ABCA13: variants seen among roughly 807,000 people sequenced by gnomAD.
The protein encoded by ABCA13 is ATP binding cassette subfamily A member 13, also known as ATP-binding cassette sub-family A member 13.
Under a neutral mutation model 478.7 loss-of-function variants are expected in ABCA13, and 476 were observed. That is an observed-to-expected ratio of 0.99 (90% CI 0.92 to 1.07). ABCA13 has a LOEUF of 1.07. Among genes scored for constraint, ABCA13 ranks in the 50% least tolerant of loss-of-function variants. ABCA13 has a pLI of 0.00. For synonymous variants in ABCA13, 2,252 were observed against 2,158.9 expected (o/e 1.04, Z -1.20); for missense variants, 6,060 against 5,910.6 (o/e 1.03, Z -0.83).
chr7:48,307,380 A>G (rs576708827), intron 23 of ABCA13, among the ~76,000 whole-genome samples: 71 of 152,340 alleles, frequency 4.7e-4, no homozygotes, highest in African/African-American at 1.7e-3. Context: ...AGAAAACACA[A>G]GAACGTATTT....
intron 23 of ABCA13, among the ~76,000 whole-genome samples, chr7:48,301,663 C>A (rs2128856574): frequency 6.6e-6 from 1 of 152,158 alleles, no homozygotes; most frequent in African/African-American, 2.4e-5. Flanking sequence ...TAGAGAAAGT[C>A]CTTCCTAGGC....
chr7:48,527,399 G>A lies in ABCA13; in HGVS notation c.14245-837G>A, dbSNP rs183482563. Among the ~76,000 whole-genome samples the A allele has an allele frequency of 1.2e-4, 19 of 152,230 alleles. No individual in the cohort carries two copies. In the East Asian group the frequency reaches 2.9e-3, roughly 23 times the overall value. On this transcript the variant is annotated intron_variant, in intron 54 of 61. Transcript: ENST00000435803. ...GCAGTCACTTTCCAAGATTTGAGGA[G>A]CCAGGAAGCCAGTTTGTATCCATAG...
chr7:48,632,415 T>A (rs1794241949), intron 59 of ABCA13, among the ~76,000 whole-genome samples: 1 of 152,234 alleles, frequency 6.6e-6, no homozygotes, highest in African/African-American at 2.4e-5. Context: ...ATGTTTAATT[T>A]TGATGATACT....
intron 31 of ABCA13, among the ~76,000 whole-genome samples, chr7:48,360,181 C>A (rs1261651884): frequency 1.6e-5 from 2 of 124,444 alleles, no homozygotes; most frequent in Non-Finnish European, 3.3e-5. Context: ...CTAATGCTAT[C>A]CCTCCCCCCT....
rs530594009 is a variant in ABCA13 at position 48,331,764 on chromosome 7, G to A, written c.10000-3658G>A. Among the ~76,000 whole-genome samples, 44 of 152,266 alleles carry A rather than the reference G, an allele frequency of 2.9e-4. 1 individual carries two copies. In the South Asian group the frequency reaches 8.9e-3, roughly 31 times the overall value. On this transcript the variant is annotated intron_variant, in intron 27 of 61. Transcript: ENST00000435803. Reference sequence around the variant, plus strand: ...CCCATTTTACTGTGTGTGTGCGTGTGTGTATTTAGTTTTATGCAGGCTTAG... The same window carrying A: ...CCCATTTTACTGTGTGTGTGCGTGTATGTATTTAGTTTTATGCAGGCTTAG...
chr7:48,345,334 G>A (rs1807904851), intron 29 of ABCA13, among the ~76,000 whole-genome samples: 1 of 152,148 alleles, frequency 6.6e-6, no homozygotes, highest in South Asian at 2.1e-4. Context: ...GCCTCAAGTA[G>A]GTCCCTCAGG....
At chr7:48,381,082 C>G (rs1449965590) in intron 35 of ABCA13, among the ~76,000 whole-genome samples, 1 of 152,102 alleles carries the variant, frequency 6.6e-6, no homozygotes, top group African/African-American at 2.4e-5. Context: ...CCCACAGCAC[C>G]CCTCCCTACT....
At position 48,392,117 on chromosome 7, in the gene ABCA13, G is replaced by C; in HGVS notation, c.11851G>C (p.Glu3951Gln). The C allele has an allele frequency of 6.2e-7, 1 of 1,613,846 alleles. No homozygotes were observed. The highest frequency in any genetic ancestry group is 8.5e-7 in the Non-Finnish European group (1 of 1,179,866). Reference protein sequence around the residue: ...SIKAPQWTKKELHQQVNQTLQ... With the variant: ...SIKAPQWTKKQLHQQVNQTLQ... Reference sequence around the variant, plus strand: ...AAAGGCGCCTCAGTGGACCAAGAAGGAGCTGCATCAGCAAGTCAATCAGTT... The same window carrying C: ...AAAGGCGCCTCAGTGGACCAAGAAGCAGCTGCATCAGCAAGTCAATCAGTT... The change falls in exon 38 of 62, where the codon GAG becomes CAG. Residue 3951 changes from glutamate (E) to glutamine (Q), a missense_variant. Coordinates refer to ENST00000435803, the MANE Select transcript of ABCA13 (RefSeq NM_152701.5).
chr7:48,362,601 G>A (rs1811056818), intron 31 of ABCA13, among the ~76,000 whole-genome samples: 1 of 150,758 alleles, frequency 6.6e-6, no homozygotes, highest in Non-Finnish European at 1.5e-5. Flanking sequence ...ATATAGTCTT[G>A]CCTCTATCTT....
chr7:48,181,728 TA>T (rs2128871694), intron 1 of ABCA13, among the ~76,000 whole-genome samples: 1 of 152,286 alleles, frequency 6.6e-6, no homozygotes, highest in African/African-American at 2.4e-5. Flanking sequence ...GTACCAATTT[TA>T]TTTTTTTTAA....
intron 37 of ABCA13, among the ~76,000 whole-genome samples, chr7:48,391,231 T>C (rs573063956): frequency 2.8e-4 from 42 of 152,296 alleles, no homozygotes; most frequent in Admixed American, 7.2e-4. Context: ...TTATATTTAA[T>C]GATGAGGATT....
chr7:48,336,478 T>G (rs966077605), intron 28 of ABCA13, among the ~76,000 whole-genome samples: 3 of 151,592 alleles, frequency 2.0e-5, no homozygotes, highest in Non-Finnish European at 4.4e-5. Flanking sequence ...AGGGAGAGGG[T>G]CGGGTGGAAG....
chr7:48,600,431 T>C (rs1790766784), intron 58 of ABCA13, among the ~76,000 whole-genome samples: 2 of 152,142 alleles, frequency 1.3e-5, no homozygotes, highest in African/African-American at 2.4e-5. Flanking sequence ...ATTATTGATA[T>C]GGCTGAAGTA....
chr7:48,452,746 T>C (rs1240056954), intron 42 of ABCA13, among the ~76,000 whole-genome samples: 2 of 152,230 alleles, frequency 1.3e-5, no homozygotes, highest in Non-Finnish European at 2.9e-5. Flanking sequence ...CTTTTAAGCC[T>C]GAACAAAGTA....
chr7:48,192,703 A>C (rs532091135), intron 1 of ABCA13, among the ~76,000 whole-genome samples: 3 of 152,342 alleles, frequency 2.0e-5, no homozygotes, highest in East Asian at 3.9e-4. Flanking sequence ...TAATGTCATA[A>C]GTTCTGAAAT....
chr7:48,577,939 T>G lies in ABCA13; in HGVS notation c.14355-2285T>G, dbSNP rs992388907. On this transcript the variant is annotated intron_variant, in intron 55 of 61. Transcript: ENST00000435803. ...TTCAATTTTTGAAAATCAATTAATA[T>G]AATCCATTACAACAATAGAATAAAA... Among the ~76,000 whole-genome samples the G allele has an allele frequency of 9.2e-5, 14 of 152,266 alleles. No individual in the cohort carries two copies. In the South Asian group the frequency reaches 2.9e-3, roughly 32 times the overall value.
chr7:48,524,488 A>C lies in ABCA13; in HGVS notation c.14244+48A>C. The C allele has an allele frequency of 2.0e-6, 3 of 1,501,396 alleles. No individual in the cohort carries two copies. In the South Asian group the frequency reaches 3.8e-5, roughly 19 times the overall value. The allele number at this position is 1,501,396 out of a possible 1,614,324, so 93.0% of individuals were successfully genotyped here. On this transcript the variant is annotated intron_variant, in intron 54 of 61. Transcript: ENST00000435803. Reference sequence around the variant, plus strand: ...TCTTCTTCTGTTGTGAACCTGTACAACTCTAGTAGCTGATCTGCTTGTGTT... The same window carrying C: ...TCTTCTTCTGTTGTGAACCTGTACACCTCTAGTAGCTGATCTGCTTGTGTT...
chr7:48,219,209 T>A, intron 3 of ABCA13, 145 bp from the exon 4 acceptor site: 2 of 713,892 alleles, frequency 2.8e-6, no homozygotes, highest in Non-Finnish European at 4.3e-6. Context: ...GAGGGTCAGG[T>A]GAAATGGGCT....
chr7:48,396,282 A>AG (rs1816821124), intron 38 of ABCA13, among the ~76,000 whole-genome samples: 1 of 152,232 alleles, frequency 6.6e-6, no homozygotes, highest in African/African-American at 2.4e-5. Context: ...AGATGGCCAG[A>AG]GGGGCCTTCT....
Sources: allele counts gnomAD v4.1 joint callset (sites outside exome capture counted in the v4.1 genomes callset), GRCh38; gene constraint gnomAD v4.1.1; transcripts MANE v1.5; gene names NCBI Gene and HGNC (gene_info 2026-07-23, HGNC 2026-07-21).